The following PGBD2 variants were observed in gnomAD, a reference collection of about 807,000 sequenced individuals.
PGBD2 encodes piggyBac transposable element derived 2.
A neutral mutation model predicts 8.1 loss-of-function variants in PGBD2; 6 were observed. That is an observed-to-expected ratio of 0.74 (90% CI 0.40 to 1.46). The LOEUF is 1.46. PGBD2 is among the 40% of genes most tolerant of loss of function. The probability of loss-of-function intolerance (pLI) is 0.02; values close to 1 mark genes in which losing one functional copy is unlikely to be tolerated. For missense variants in PGBD2, 802 were observed against 739.0 expected (o/e 1.09, Z -0.99); for synonymous variants, 318 against 272.2 (o/e 1.17, Z -1.66).
At chr1:248,923,085 C>T (rs1180523338), downstream of PGBD2, among the ~76,000 whole-genome samples, 1 of 152,116 alleles carries the variant, frequency 6.6e-6, no homozygotes, top group Non-Finnish European at 1.5e-5. Flanking sequence ...TCCATCTGGT[C>T]CTGGACTTTT....
At chr1:248,875,826 G>T in the PGBD2 span, among the ~76,000 whole-genome samples, 1 of 151,978 alleles carries the variant, frequency 6.6e-6, no homozygotes, top group African/African-American at 2.4e-5. Context: ...TCTGCTTCTT[G>T]TACTGCTGAA....
chr1:248,899,366 A>C, the PGBD2 span, among the ~76,000 whole-genome samples: 1 of 152,198 alleles, frequency 6.6e-6, no homozygotes, highest in Non-Finnish European at 1.5e-5. Flanking sequence ...AACACTCCTC[A>C]GCAAATGCAA....
chr1:248,915,877 A>G (rs1662080704), intron 2 of PGBD2, among the ~76,000 whole-genome samples: 1 of 152,192 alleles, frequency 6.6e-6, no homozygotes, highest in Non-Finnish European at 1.5e-5. Flanking sequence ...GGGAAGGTAT[A>G]GTAAGACAAA....
intron 1 of PGBD2, among the ~76,000 whole-genome samples, chr1:248,906,986 T>A (rs545515997): frequency 6.6e-6 from 1 of 151,850 alleles, no homozygotes; most frequent in Non-Finnish European, 1.5e-5. Flanking sequence ...AGAAAAGAAA[T>A]AAGACACAGA....
the PGBD2 span, among the ~76,000 whole-genome samples, chr1:248,883,022 G>A: frequency 1.3e-5 from 2 of 152,292 alleles, no homozygotes; most frequent in East Asian, 3.9e-4. Context: ...TTGTCAATTT[G>A]TATATAGCTA....
chr1:248,907,045 A>G (rs528368210), intron 1 of PGBD2, among the ~76,000 whole-genome samples: 31 of 152,162 alleles, frequency 2.0e-4, no homozygotes, highest in Non-Finnish European at 3.5e-4. Context: ...GGCACTCAGC[A>G]TACCAAGGAC....
downstream of PGBD2, among the ~76,000 whole-genome samples, chr1:248,921,563 T>A (rs193247196): frequency 6.6e-6 from 1 of 152,352 alleles, no homozygotes; most frequent in Non-Finnish European, 1.5e-5. Flanking sequence ...TGAAGTCAGG[T>A]AGCATGATGC....
chr1:248,906,974 T>G (rs768250416), intron 1 of PGBD2, among the ~76,000 whole-genome samples: 16 of 151,954 alleles, frequency 1.1e-4, no homozygotes, highest in Non-Finnish European at 2.1e-4. Flanking sequence ...GAGGAGAGAC[T>G]GAGAAAAGAA....
the PGBD2 span, among the ~76,000 whole-genome samples, chr1:248,889,984 A>G: frequency 6.7e-6 from 1 of 149,318 alleles, no homozygotes; most frequent in South Asian, 2.1e-4. Flanking sequence ...CTGGAGTGCA[A>G]TGGTGTGATC....
upstream of PGBD2, among the ~76,000 whole-genome samples, chr1:248,905,322 C>T (rs1366912789): frequency 1.3e-5 from 2 of 152,116 alleles, no homozygotes; most frequent in Non-Finnish European, 1.5e-5. Context: ...ACGGTTTGGT[C>T]CCAGGGATTT....
chr1:248,897,441 G>T, the PGBD2 span, among the ~76,000 whole-genome samples: 1 of 151,992 alleles, frequency 6.6e-6, no homozygotes, highest in Non-Finnish European at 1.5e-5. Flanking sequence ...TCTGCAGTAA[G>T]TAAAAATGGC....
the PGBD2 span, among the ~76,000 whole-genome samples, chr1:248,925,226 C>G: frequency 1.3e-5 from 2 of 152,128 alleles, no homozygotes; most frequent in Non-Finnish European, 2.9e-5. Context: ...ACTATGAGAC[C>G]AAGACCTCAC....
chr1:248,903,143 A>T (rs901558691), upstream of PGBD2, among the ~76,000 whole-genome samples: 6 of 151,912 alleles, frequency 3.9e-5, no homozygotes, highest in East Asian at 1.2e-3. Context: ...GATTTCAGAC[A>T]TGAACCATTG....
chr1:248,918,067 C>G lies in PGBD2; in HGVS notation c.1483C>G (p.Leu495Val). The change falls in exon 3 of 3, where the codon CTC becomes GTC. Residue 495 changes from leucine to valine, a missense_variant. By Grantham distance (32) the Leu-to-Val change is conservative. Transcript: ENST00000329291. ...SFIGYVIDAA[L>V]NNAWQLHRIC... is the part of the protein sequence containing the mutation. ...TATTGGCTATGTCATTGATGCTGCCCTCAACAATGCATGGCAGCTGCATAG... is the reference window on the plus strand; with the variant it reads ...TATTGGCTATGTCATTGATGCTGCCGTCAACAATGCATGGCAGCTGCATAG... 2 of 1,614,208 alleles carry G rather than the reference C, an allele frequency of 1.2e-6. No individual in the cohort carries two copies. Among genetic ancestry groups the G allele is most frequent in the Non-Finnish European group, 8.5e-7 (1 of 1,180,030 alleles).
chr1:248,881,704 T>G, the PGBD2 span, among the ~76,000 whole-genome samples: 1 of 152,242 alleles, frequency 6.6e-6, no homozygotes, highest in Non-Finnish European at 1.5e-5. Context: ...CAGGCCATAC[T>G]GAACTATTAA....
the PGBD2 span, among the ~76,000 whole-genome samples, chr1:248,878,375 C>T: frequency 6.6e-6 from 1 of 152,060 alleles, no homozygotes; most frequent in Non-Finnish European, 1.5e-5. Flanking sequence ...GATGGGGTTT[C>T]ACTATGTTGG....
the PGBD2 span, among the ~76,000 whole-genome samples, chr1:248,878,676 G>A: frequency 2.0e-4 from 31 of 152,260 alleles, no homozygotes; most frequent in African/African-American, 6.7e-4. Flanking sequence ...GGGATTATAA[G>A]GTATGCAGAA....
upstream of PGBD2, among the ~76,000 whole-genome samples, chr1:248,902,814 G>T (rs902410219): frequency 4.7e-4 from 71 of 152,188 alleles, no homozygotes; most frequent in African/African-American, 1.6e-3. Context: ...ACACAGATGG[G>T]GCAGTGGGGG....
At chr1:248,879,145 C>T in the PGBD2 span, among the ~76,000 whole-genome samples, 4 of 152,150 alleles carry the variant, frequency 2.6e-5, no homozygotes, top group East Asian at 1.9e-4. Flanking sequence ...GTTTGTAGAG[C>T]GTAAGCTGCT....
Sources: allele counts gnomAD v4.1 joint callset (sites outside exome capture counted in the v4.1 genomes callset), GRCh38; gene constraint gnomAD v4.1.1; transcripts MANE v1.5; gene names NCBI Gene and HGNC (gene_info 2026-07-23, HGNC 2026-07-21).